FKBP5: variants seen among roughly 807,000 people sequenced by gnomAD.
The protein encoded by FKBP5 is FKBP prolyl isomerase 5, also known as peptidyl-prolyl cis-trans isomerase FKBP5.
In FKBP5, 23 loss-of-function variants were observed where a neutral mutation model predicts 50.5. That is an observed-to-expected ratio of 0.46 (90% CI 0.33 to 0.65). FKBP5 has a LOEUF of 0.65. FKBP5 is among the 30% of genes least tolerant of loss of function. The probability of loss-of-function intolerance (pLI) is 0.02; values close to 1 mark genes in which losing one functional copy is unlikely to be tolerated. For missense variants in FKBP5, 411 were observed against 553.1 expected (o/e 0.74, Z 2.58); for synonymous variants, 176 against 190.6 (o/e 0.92, Z 0.63).
intron 1 of FKBP5, among the ~76,000 whole-genome samples, chr6:35,656,323 C>T (rs901374008): frequency 6.6e-6 from 1 of 152,146 alleles, no homozygotes; most frequent in East Asian, 1.9e-4. Context: ...GTTTTTCCAT[C>T]TATACTTTTC....
chr6:35,669,500 T>C (rs1231707685), intron 1 of FKBP5, among the ~76,000 whole-genome samples: 1 of 152,194 alleles, frequency 6.6e-6, no homozygotes, highest in Non-Finnish European at 1.5e-5. Context: ...AAGTATCATA[T>C]ATATGTTTTC....
chr6:35,607,229 C>T (rs998651870), intron 5 of FKBP5, among the ~76,000 whole-genome samples: 6 of 151,910 alleles, frequency 3.9e-5, no homozygotes, highest in Admixed American at 6.6e-5. Flanking sequence ...TGTGCCACCA[C>T]GCCCAGCCTG....
At chr6:35,717,270 G>A (rs1418375223) in intron 2 of FKBP5, among the ~76,000 whole-genome samples, 4 of 152,260 alleles carry the variant, frequency 2.6e-5, no homozygotes, top group Non-Finnish European at 5.9e-5. Context: ...CTCAAGGCAT[G>A]TGAGCTGGGC....
At chr6:35,647,774 C>G (rs537499135) in intron 1 of FKBP5, among the ~76,000 whole-genome samples, 13 of 152,124 alleles carry the variant, frequency 8.5e-5, no homozygotes, top group Non-Finnish European at 1.9e-4. Context: ...ACATAATAAT[C>G]CTTATTTTTG....
At chr6:35,691,018 TAATA>T (rs972742068), upstream of FKBP5, among the ~76,000 whole-genome samples, 10 of 151,618 alleles carry the variant, frequency 6.6e-5, no homozygotes, top group South Asian at 2.1e-4. Context: ...AAAAAAATAA[TAATA>T]AATAAATAAA....
At chr6:35,670,626 G>A (rs1213447090) in intron 1 of FKBP5, among the ~76,000 whole-genome samples, 2 of 151,726 alleles carry the variant, frequency 1.3e-5, no homozygotes, top group African/African-American at 2.4e-5. Flanking sequence ...CAGCTACTCG[G>A]GAGGCTGAGG....
At chr6:35,617,858 T>C (rs1763708519) in intron 5 of FKBP5, among the ~76,000 whole-genome samples, 1 of 152,234 alleles carries the variant, frequency 6.6e-6, no homozygotes, top group South Asian at 2.1e-4. Flanking sequence ...AAGAGTTAGC[T>C]ATCTCAGTCC....
chr6:35,593,330 T>C (rs1762878207), intron 6 of FKBP5, among the ~76,000 whole-genome samples: 1 of 152,166 alleles, frequency 6.6e-6, no homozygotes, highest in Admixed American at 6.5e-5. Flanking sequence ...ATAATGACTA[T>C]GAATGACCAT....
intron 1 of FKBP5, among the ~76,000 whole-genome samples, chr6:35,687,218 CTAAA>C (rs1456010560): frequency 2.0e-5 from 3 of 152,128 alleles, no homozygotes; most frequent in Admixed American, 1.3e-4. Context: ...AACTGGGTAA[CTAAA>C]TAAAGTGTTT....
Position 35,642,934 on chromosome 6 carries a change from G to A in FKBP5, c.-19-91C>T, listed in dbSNP as rs575852096. ...GGGAACTGAGCTCTACCTAACCTAA[G>A]ATTTACTTAGGGCCAATAAGCTTAG... On this transcript the variant is annotated intron_variant, in intron 1 of 10. Transcript: ENST00000357266. 1.2e-5 allele frequency: 10 copies of A among 863,058 alleles called. No homozygotes were observed. The East Asian group carries it at 2.3e-4, about 20-fold the overall frequency. 53.5% of individuals were successfully genotyped at this position (863,058 alleles called of 1,614,324 possible).
At chr6:35,607,425 A>C (rs1413043012) in intron 5 of FKBP5, among the ~76,000 whole-genome samples, 1 of 151,252 alleles carries the variant, frequency 6.6e-6, no homozygotes, top group Non-Finnish European at 1.5e-5. Flanking sequence ...TTTGGTCTTA[A>C]ACTCCTGGGC....
At chr6:35,595,304 A>G (rs1762955285) in intron 6 of FKBP5, among the ~76,000 whole-genome samples, 1 of 152,272 alleles carries the variant, frequency 6.6e-6, no homozygotes, top group Non-Finnish European at 1.5e-5. Flanking sequence ...GCTAAAATGT[A>G]ATGTATATAA....
At chr6:35,579,335 G>A (rs1316466907) in intron 9 of FKBP5, among the ~76,000 whole-genome samples, 1 of 152,064 alleles carries the variant, frequency 6.6e-6, no homozygotes, top group African/African-American at 2.4e-5. Context: ...ATCCTTTTAT[G>A]TCTACCTTTA....
chr6:35,640,604 C>T (rs1764457915), intron 2 of FKBP5, among the ~76,000 whole-genome samples: 1 of 152,098 alleles, frequency 6.6e-6, no homozygotes, highest in South Asian at 2.1e-4. Flanking sequence ...TCAATCTTAG[C>T]TTACTATAAC....
chr6:35,690,805 G>A (rs971108084), upstream of FKBP5, among the ~76,000 whole-genome samples: 1 of 151,882 alleles, frequency 6.6e-6, no homozygotes, highest in Non-Finnish European at 1.5e-5. Flanking sequence ...TCGGGAGTTC[G>A]AGACCAGCCT....
intron 1 of FKBP5, among the ~76,000 whole-genome samples, chr6:35,726,138 C>T (rs529589607): frequency 6.6e-6 from 1 of 152,336 alleles, no homozygotes; most frequent in East Asian, 1.9e-4. Flanking sequence ...CTGGAAGTCA[C>T]AGCCTGTAAG....
At position 35,620,234 on chromosome 6, in the gene FKBP5, C is replaced by A. The variant is rs1182898477; in HGVS notation, c.291G>T (p.Met97Ile). ...IKAWDIGVAT[M>I]KKGEICHLLC... Reference sequence around the variant, plus strand: ...GTAAATGGCATATCTCTCCTTTCTTCATGGTAGCCACCCCAATGTCCCATG... The same window carrying A: ...GTAAATGGCATATCTCTCCTTTCTTAATGGTAGCCACCCCAATGTCCCATG... Residue 97 changes from methionine (M) to isoleucine (I), a missense_variant, in exon 4 of 11, where the codon ATG becomes ATT. Transcript: ENST00000357266. 1 of 1,614,154 alleles carries A rather than the reference C, an allele frequency of 6.2e-7. No homozygotes were observed. Among genetic ancestry groups the A allele is most frequent in the Admixed American group, 1.7e-5 (1 of 60,008 alleles).
At chr6:35,668,613 T>C (rs1765294321) in intron 1 of FKBP5, among the ~76,000 whole-genome samples, 1 of 152,146 alleles carries the variant, frequency 6.6e-6, no homozygotes, top group Non-Finnish European at 1.5e-5. Context: ...GTCACCTCTT[T>C]TGTTGTTTTT....
At position 35,642,843 on chromosome 6, in the gene FKBP5, C is replaced by A. The variant is rs374839766; in HGVS notation, c.-19G>T. On this transcript the variant is annotated splice_region_variant and 5_prime_UTR_variant, in exon 2 of 11. Coordinates refer to ENST00000357266, the MANE Select transcript of FKBP5 (RefSeq NM_004117.4). ...TAGTCATTGTCTTTTAAGTAGAGAACCTGGTAAGAAGAAAAATATTTTAGC... is the reference window on the plus strand; with the variant it reads ...TAGTCATTGTCTTTTAAGTAGAGAAACTGGTAAGAAGAAAAATATTTTAGC... 8.8e-6 allele frequency: 14 copies of A among 1,596,214 alleles called. No individual in the cohort carries two copies. Among genetic ancestry groups the A allele is most frequent in the Non-Finnish European group, 1.1e-5 (13 of 1,169,180 alleles).
Sources: allele counts gnomAD v4.1 joint callset (sites outside exome capture counted in the v4.1 genomes callset), GRCh38; gene constraint gnomAD v4.1.1; transcripts MANE v1.5; gene names NCBI Gene and HGNC (gene_info 2026-07-23, HGNC 2026-07-21).